AGMO: variants seen among roughly 807,000 people sequenced by gnomAD.
The protein encoded by AGMO is alkylglycerol monooxygenase.
In AGMO, 75 loss-of-function variants were observed where a neutral mutation model predicts 60.2. That is an observed-to-expected ratio of 1.25 (90% CI 1.03 to 1.51). AGMO has a LOEUF of 1.51. Ranked by LOEUF, AGMO falls within the 40% of genes most tolerant of loss-of-function variation. The probability of loss-of-function intolerance (pLI) is 0.00; values close to 1 mark genes in which losing one functional copy is unlikely to be tolerated. For missense variants in AGMO, 763 were observed against 525.5 expected, an observed-to-expected ratio of 1.45 and a Z score of -4.42; for synonymous variants, 261 against 177.1, an observed-to-expected ratio of 1.47 and a Z score of -3.76.
At chr7:15,531,613 G>GTATATATATTCTATA (rs1784365211) in intron 3 of AGMO, among the ~76,000 whole-genome samples, 1 of 71,308 alleles carries the variant, frequency 1.4e-5, no homozygotes, top group Non-Finnish European at 2.5e-5. Flanking sequence ...TATATTCTAT[G>GTATATATATTCTATA]TATATTCTAT....
chr7:15,221,895 T>C (rs1370476939), intron 12 of AGMO, among the ~76,000 whole-genome samples: 1 of 152,188 alleles, frequency 6.6e-6, no homozygotes, highest in Non-Finnish European at 1.5e-5. Context: ...TAACAATTTC[T>C]GTATGTAAAA....
At chr7:15,552,292 T>C (rs917916152) in intron 2 of AGMO, among the ~76,000 whole-genome samples, 2 of 152,102 alleles carry the variant, frequency 1.3e-5, no homozygotes, top group African/African-American at 2.4e-5. Context: ...ACCAAAAGCA[T>C]TGGCAACAAA....
chr7:15,399,133 T>C (rs1784483772), intron 5 of AGMO, among the ~76,000 whole-genome samples: 2 of 152,182 alleles, frequency 1.3e-5, no homozygotes, highest in African/African-American at 4.8e-5. Context: ...TCTGAAGCAA[T>C]GCTCTAAATA....
chr7:15,130,253 T>C, the AGMO span, among the ~76,000 whole-genome samples: 1 of 152,072 alleles, frequency 6.6e-6, no homozygotes, highest in African/African-American at 2.4e-5. Flanking sequence ...TTTTCCTTTT[T>C]TTCTTTCATG....
intron 12 of AGMO, among the ~76,000 whole-genome samples, chr7:15,308,566 A>G (rs922838983): frequency 6.6e-6 from 1 of 152,102 alleles, no homozygotes; most frequent in Admixed American, 6.6e-5. Flanking sequence ...GTTTGTCTCA[A>G]TTTACTGTAA....
intron 5 of AGMO, among the ~76,000 whole-genome samples, chr7:15,417,967 T>A (rs958584966): frequency 2.0e-5 from 3 of 152,166 alleles, no homozygotes; most frequent in Admixed American, 6.6e-5. Context: ...ACCAATCAGC[T>A]GCTTAATAAT....
chr7:15,493,501 G>A (rs564005951), intron 3 of AGMO, among the ~76,000 whole-genome samples: 5 of 149,526 alleles, frequency 3.3e-5, no homozygotes, highest in Admixed American at 6.7e-5. Context: ...AGCCTCCCGC[G>A]TAGCTGGGTC....
chr7:15,152,488 C>G, the AGMO span, among the ~76,000 whole-genome samples: 1 of 152,240 alleles, frequency 6.6e-6, no homozygotes, highest in South Asian at 2.1e-4. Flanking sequence ...TTTTGTCTCT[C>G]AACCCCCTCC....
At chr7:15,291,551 C>A (rs1192618989) in intron 12 of AGMO, among the ~76,000 whole-genome samples, 1 of 152,070 alleles carries the variant, frequency 6.6e-6, no homozygotes, top group East Asian at 1.9e-4. Flanking sequence ...GGAATAGTAT[C>A]ATAATCTTAA....
chr7:15,271,182 A>G (rs1278579903), intron 12 of AGMO, among the ~76,000 whole-genome samples: 1 of 152,050 alleles, frequency 6.6e-6, no homozygotes, highest in African/African-American at 2.4e-5. Flanking sequence ...GAAATTTAAA[A>G]CTGATATTTC....
intron 5 of AGMO, among the ~76,000 whole-genome samples, chr7:15,395,702 A>T (rs975648715): frequency 1.3e-5 from 2 of 152,224 alleles, no homozygotes; most frequent in Admixed American, 1.3e-4. Context: ...TAATTTTATG[A>T]ATGTTTGAAA....
the AGMO span, among the ~76,000 whole-genome samples, chr7:15,163,377 G>T: frequency 6.6e-6 from 1 of 152,094 alleles, no homozygotes; most frequent in Non-Finnish European, 1.5e-5. Flanking sequence ...AGTGGTGAGA[G>T]TGGACATCTT....
chr7:15,225,382 T>A (rs1489241587), intron 12 of AGMO, among the ~76,000 whole-genome samples: 14 of 151,956 alleles, frequency 9.2e-5, no homozygotes, highest in Non-Finnish European at 7.4e-5. Flanking sequence ...GTGGTTTTAA[T>A]TACTATGTCA....
chr7:15,475,878 T>C (rs1216365319), intron 3 of AGMO, among the ~76,000 whole-genome samples: 2 of 152,098 alleles, frequency 1.3e-5, no homozygotes, highest in Non-Finnish European at 2.9e-5. Context: ...AAGCAGTTAT[T>C]TATCCCACAT....
In AGMO at chr7:15,544,786, T is replaced by C; in HGVS notation, c.395A>G (p.His132Arg). 6.3e-7 allele frequency: 1 copy of C among 1,599,088 alleles called. No homozygotes were observed. The highest frequency in any genetic ancestry group is 8.5e-7 in the Non-Finnish European group (1 of 1,173,406). The change falls in exon 3 of 13, where the codon CAT (histidine) becomes CGT (arginine). Residue 132 changes from histidine to arginine, a missense_variant. Coordinates refer to ENST00000342526, the MANE Select transcript of AGMO (RefSeq NM_001004320.2). ...LGVDFGYYWF[H>R]RMAHEVNIMW... ...TTGCAGCTTACCATGAGCCATACGATGGAACCAGTAGTAGCCAAAGTCAAC... is the reference window on the plus strand; with the variant it reads ...TTGCAGCTTACCATGAGCCATACGACGGAACCAGTAGTAGCCAAAGTCAAC...
chr7:15,367,995 A>C (rs893754144), intron 10 of AGMO, among the ~76,000 whole-genome samples: 1 of 152,078 alleles, frequency 6.6e-6, no homozygotes, highest in Non-Finnish European at 1.5e-5. Context: ...ATACCTTCTT[A>C]AAAACCAGCC....
At chr7:15,175,126 C>T in the AGMO span, among the ~76,000 whole-genome samples, 1 of 151,792 alleles carries the variant, frequency 6.6e-6, no homozygotes, top group Non-Finnish European at 1.5e-5. Flanking sequence ...GACAATGGTG[C>T]TATTAAAATG....
At chr7:15,555,213 A>G (rs1044319460) in intron 2 of AGMO, among the ~76,000 whole-genome samples, 2 of 150,556 alleles carry the variant, frequency 1.3e-5, no homozygotes, top group Non-Finnish European at 3.0e-5. Flanking sequence ...TTTAAAAAAG[A>G]TTATTACAAA....
At chr7:15,400,647 A>G (rs1784527826) in intron 5 of AGMO, among the ~76,000 whole-genome samples, 1 of 152,200 alleles carries the variant, frequency 6.6e-6, no homozygotes, top group African/African-American at 2.4e-5. Context: ...GCCAGGAATG[A>G]AAGTCCGAGC....
Sources: allele counts gnomAD v4.1 joint callset (sites outside exome capture counted in the v4.1 genomes callset), GRCh38; gene constraint gnomAD v4.1.1; transcripts MANE v1.5; gene names NCBI Gene and HGNC (gene_info 2026-07-23, HGNC 2026-07-21).